Variants in RBFOX1 observed in about 807,000 individuals in gnomAD.
RBFOX1 encodes RNA binding fox-1 homolog 1.
RBFOX1 carries 8 observed loss-of-function variants against 57.7 expected under a neutral mutation model. That is an observed-to-expected ratio of 0.14 (90% CI 0.08 to 0.25). The LOEUF (loss-of-function observed/expected upper bound fraction) is 0.25. RBFOX1 is among the 10% of genes least tolerant of loss of function. RBFOX1 has a pLI of 1.00. For synonymous variants in RBFOX1, 326 were observed against 222.4 expected (o/e 1.47, Z -4.15); for missense variants, 611 against 548.5 (o/e 1.11, Z -1.14).
At chr16:7,183,654 G>T (rs1489972516) in intron 4 of RBFOX1, among the ~76,000 whole-genome samples, 1 of 152,194 alleles carries the variant, frequency 6.6e-6, no homozygotes, top group Non-Finnish European at 1.5e-5. Context: ...ACATGTATGA[G>T]AATACAGAAC....
chr16:5,275,847 A>T (rs934999712), intron 1 of RBFOX1, among the ~76,000 whole-genome samples: 2 of 152,238 alleles, frequency 1.3e-5, no homozygotes, highest in African/African-American at 2.4e-5. Context: ...GCACATGACC[A>T]ATGGAACAGA....
At chr16:5,768,361 C>T (rs549276925) in intron 3 of RBFOX1, among the ~76,000 whole-genome samples, 30 of 152,252 alleles carry the variant, frequency 2.0e-4, no homozygotes, top group East Asian at 5.8e-4. Flanking sequence ...TAGAGTCCTA[C>T]GGCTGTTTTT....
rs559181838 is a variant in RBFOX1 at position 6,527,693 on chromosome 16, T to C, written c.-63-126910T>C. Among the ~76,000 whole-genome samples the C allele has an allele frequency of 2.2e-3, 331 of 147,774 alleles. 2 individuals are homozygous for C. The highest frequency in any genetic ancestry group is 8.4e-3 in the African/African-American group (315 of 37,310). ...ATATTTAAGGAGACTGGAGAGCCTG[T>C]GGTTTATCCTCCTGAGTCAGAGCCT... On this transcript the variant is annotated intron_variant, in intron 2 of 15. Coordinates refer to ENST00000550418, the MANE Select transcript of RBFOX1 (RefSeq NM_018723.4).
At chr16:6,445,816 C>T (rs973584293) in intron 2 of RBFOX1, among the ~76,000 whole-genome samples, 13 of 152,172 alleles carry the variant, frequency 8.5e-5, no homozygotes, top group African/African-American at 9.6e-5. Context: ...TTCCTGACCT[C>T]GTGATCTGCC....
chr16:6,249,428 G>C (rs1271610730), intron 1 of RBFOX1, among the ~76,000 whole-genome samples: 1 of 152,172 alleles, frequency 6.6e-6, no homozygotes, highest in Non-Finnish European at 1.5e-5. Context: ...GGGAGACTGA[G>C]GCAGAGAATA....
intron 4 of RBFOX1, among the ~76,000 whole-genome samples, chr16:7,428,085 A>T (rs1223178674): frequency 6.6e-6 from 1 of 152,090 alleles, no homozygotes; most frequent in Non-Finnish European, 1.5e-5. Flanking sequence ...CTCCTCCAGG[A>T]GGCCCCAGCT....
chr16:7,370,243 A>G (rs1456618276), intron 4 of RBFOX1, among the ~76,000 whole-genome samples: 1 of 152,180 alleles, frequency 6.6e-6, no homozygotes, highest in Non-Finnish European at 1.5e-5. Flanking sequence ...GTGGCCATTG[A>G]TTGAGAACTA....
intron 1 of RBFOX1, among the ~76,000 whole-genome samples, chr16:6,303,672 T>G (rs2079092861): frequency 1.3e-5 from 2 of 152,168 alleles, no homozygotes; most frequent in Non-Finnish European, 1.5e-5. Flanking sequence ...AGAAATAGAT[T>G]CAAAGGAAAA....
At chr16:6,803,930 C>G (rs961527662) in intron 3 of RBFOX1, among the ~76,000 whole-genome samples, 4 of 151,882 alleles carry the variant, frequency 2.6e-5, no homozygotes, top group African/African-American at 9.7e-5. Context: ...GATCTGGCAT[C>G]TTGTTTAGAA....
At chr16:6,998,349 A>G (rs2092447556) in intron 3 of RBFOX1, among the ~76,000 whole-genome samples, 1 of 152,182 alleles carries the variant, frequency 6.6e-6, no homozygotes, top group African/African-American at 2.4e-5. Context: ...GTGTTTACAC[A>G]TGAATCCAAG....
chr16:5,877,865 T>A (rs773642774), intron 4 of RBFOX1, among the ~76,000 whole-genome samples: 6 of 152,218 alleles, frequency 3.9e-5, no homozygotes, highest in Non-Finnish European at 8.8e-5. Context: ...CCCATGGTGA[T>A]GATAAACTGG....
chr16:6,227,344 C>G (rs1461057674), intron 1 of RBFOX1, among the ~76,000 whole-genome samples: 1 of 152,142 alleles, frequency 6.6e-6, no homozygotes, highest in African/African-American at 2.4e-5. Flanking sequence ...GTGCTGCAGG[C>G]TTTGGGACCA....
intron 2 of RBFOX1, among the ~76,000 whole-genome samples, chr16:6,603,074 A>G (rs1044680538): frequency 2.0e-5 from 3 of 152,232 alleles, no homozygotes; most frequent in African/African-American, 7.2e-5. Context: ...CCTAGTAGCA[A>G]AAAAATAAAA....
At chr16:5,736,845 C>T (rs886257191) in intron 3 of RBFOX1, among the ~76,000 whole-genome samples, 2 of 150,882 alleles carry the variant, frequency 1.3e-5, no homozygotes, top group Non-Finnish European at 2.9e-5. Context: ...CTCTTTGTCC[C>T]TCTTTCCCCC....
At chr16:7,120,357 T>A (rs1161192669) in intron 4 of RBFOX1, among the ~76,000 whole-genome samples, 5 of 151,770 alleles carry the variant, frequency 3.3e-5, no homozygotes, top group Non-Finnish European at 7.4e-5. Flanking sequence ...AAAAATGAAT[T>A]TGAAAATCAA....
intron 3 of RBFOX1, among the ~76,000 whole-genome samples, chr16:5,691,720 C>A (rs2050685336): frequency 1.3e-5 from 2 of 152,116 alleles, no homozygotes; most frequent in Admixed American, 1.3e-4. Flanking sequence ...GAGGGATGCT[C>A]AACTTGTATA....
chr16:5,980,082 A>G (rs943312368), intron 4 of RBFOX1, among the ~76,000 whole-genome samples: 1 of 152,202 alleles, frequency 6.6e-6, no homozygotes, highest in African/African-American at 2.4e-5. Flanking sequence ...TCTCTCTAGG[A>G]ACTTAGGCTC....
chr16:6,220,608 G>C (rs1051337393), intron 1 of RBFOX1, among the ~76,000 whole-genome samples: 8 of 152,122 alleles, frequency 5.3e-5, no homozygotes, highest in Non-Finnish European at 1.0e-4. Context: ...TTTTATTGTA[G>C]CCATAAACTA....
chr16:6,561,086 A>C (rs2097173711), intron 2 of RBFOX1, among the ~76,000 whole-genome samples: 1 of 152,202 alleles, frequency 6.6e-6, no homozygotes, highest in South Asian at 2.1e-4. Context: ...GTTTTTCATT[A>C]GTGCTGTTTT....
Sources: allele counts gnomAD v4.1 joint callset (sites outside exome capture counted in the v4.1 genomes callset), GRCh38; gene constraint gnomAD v4.1.1; transcripts MANE v1.5; gene names NCBI Gene and HGNC (gene_info 2026-07-23, HGNC 2026-07-21).